The following COG5 variants were observed in gnomAD, a reference collection of about 807,000 sequenced individuals.
COG5 encodes the protein conserved oligomeric Golgi complex subunit 5.
A neutral mutation model predicts 110.4 loss-of-function variants in COG5; 86 were observed. The ratio of observed to expected loss-of-function variants is 0.78; its 90% confidence interval spans 0.65 to 0.93. The LOEUF (loss-of-function observed/expected upper bound fraction) is 0.93, where lower values mean the gene tolerates loss of function less well. COG5 is among the 40% of genes least tolerant of loss of function. The pLI, the probability that COG5 is intolerant of heterozygous loss-of-function variation, is 0.00. For synonymous variants in COG5, 360 were observed against 334.6 expected (o/e 1.08, Z -0.83); for missense variants, 1,077 against 987.0 (o/e 1.09, Z -1.22).
intron 6 of COG5, among the ~76,000 whole-genome samples, chr7:107,520,634 G>A (rs555266780): frequency 6.6e-6 from 1 of 152,222 alleles, no homozygotes; most frequent in South Asian, 2.1e-4. Flanking sequence ...ACAGCTCAAG[G>A]CAATAAGAGA....
chr7:107,521,696 T>C (rs559058368), intron 6 of COG5, among the ~76,000 whole-genome samples: 2 of 152,198 alleles, frequency 1.3e-5, no homozygotes, highest in East Asian at 1.9e-4. Context: ...GAATGTAAAT[T>C]AGTTCAACAG....
chr7:107,211,764 A>G (rs955949399), intron 19 of COG5, among the ~76,000 whole-genome samples: 3 of 152,240 alleles, frequency 2.0e-5, no homozygotes, highest in African/African-American at 4.8e-5. Context: ...CCCTTATACT[A>G]TATTACATGT....
At chr7:107,421,581 A>T (rs1040459516) in intron 6 of COG5, among the ~76,000 whole-genome samples, 3 of 152,156 alleles carry the variant, frequency 2.0e-5, no homozygotes, top group African/African-American at 7.2e-5. Flanking sequence ...ACTTGAGGTC[A>T]GGAGTTCAAG....
chr7:107,476,905 T>C (rs765432587), intron 6 of COG5, among the ~76,000 whole-genome samples: 1 of 151,720 alleles, frequency 6.6e-6, no homozygotes, highest in Non-Finnish European at 1.5e-5. Context: ...ATGAATACCA[T>C]GCAGTAGCTT....
intron 6 of COG5, among the ~76,000 whole-genome samples, chr7:107,459,948 A>C (rs1795887581): frequency 6.6e-6 from 1 of 152,238 alleles, no homozygotes; most frequent in African/African-American, 2.4e-5. Flanking sequence ...AAGAGTACAC[A>C]GCACAATCAC....
At chr7:107,366,532 C>T (rs977046983) in intron 8 of COG5, among the ~76,000 whole-genome samples, 5 of 152,090 alleles carry the variant, frequency 3.3e-5, no homozygotes, top group Non-Finnish European at 7.4e-5. Context: ...AACTGACACA[C>T]AGCGTTCAAC....
At chr7:107,294,970 T>TATATATACAC (rs1806533262) in intron 12 of COG5, among the ~76,000 whole-genome samples, 2 of 135,068 alleles carry the variant, frequency 1.5e-5, no homozygotes, top group Non-Finnish European at 3.2e-5. Context: ...TACACACATA[T>TATATATACAC]ATATATACAC....
rs115201914 is a variant in COG5, at chr7:107,494,564, T to C, written c.538+32673A>G. 5.1e-3 allele frequency among the ~76,000 whole-genome samples: 784 copies of C among 152,246 alleles called. 8 individuals carry two copies. Among genetic ancestry groups the C allele is most frequent in the African/African-American group, 0.016 (678 of 41,552 alleles). ...ACAATATTCAATACAGCAACATCAA[T>C]AGGATATACCATATAGCCTAGGTGT... On this transcript the variant is annotated intron_variant, in intron 6 of 21. Coordinates refer to ENST00000297135, the MANE Select transcript of COG5 (RefSeq NM_006348.5).
intron 6 of COG5, among the ~76,000 whole-genome samples, chr7:107,506,773 C>G (rs1459706253): frequency 6.6e-6 from 1 of 152,202 alleles, no homozygotes; most frequent in African/African-American, 2.4e-5. Context: ...GCTCACACAG[C>G]TGGGGCACCC....
At chr7:107,369,300 G>T (rs181786341) in intron 8 of COG5, among the ~76,000 whole-genome samples, 16 of 151,650 alleles carry the variant, frequency 1.1e-4, no homozygotes, top group African/African-American at 3.9e-4. Flanking sequence ...TAATTTAAAT[G>T]CTGTGTATTA....
intron 7 of COG5, among the ~76,000 whole-genome samples, chr7:107,403,179 T>C (rs1418213764): frequency 6.6e-5 from 10 of 152,204 alleles, no homozygotes; most frequent in Non-Finnish European, 1.3e-4. Context: ...ACACTAACTT[T>C]CTTCTAATAA....
At chr7:107,454,118 C>G (rs1354272870) in intron 6 of COG5, among the ~76,000 whole-genome samples, 1 of 151,864 alleles carries the variant, frequency 6.6e-6, no homozygotes. Context: ...AAGCAGTTGC[C>G]TAGTGTATAT....
chr7:107,312,286 CA>C lies in COG5; in HGVS notation c.1108+12153del, dbSNP rs554054149. 1.2e-3 allele frequency among the ~76,000 whole-genome samples: 181 copies of C among 152,286 alleles called. 1 individual carries two copies. Among genetic ancestry groups the C allele is most frequent in the African/African-American group, 3.7e-3 (155 of 41,558 alleles). On this transcript the variant is annotated intron_variant, in intron 11 of 21. Coordinates refer to ENST00000297135, the MANE Select transcript of COG5 (RefSeq NM_006348.5). The stretch of plus-strand genomic sequence containing the variant: ...TATTTAACACTTTAGGGATCCATCT[CA>C]ACAGAACGTTATTTACTGAGCATTG...
Position 107,201,582 on chromosome 7 carries a change from G to C in COG5, c.*1934C>G, listed in dbSNP as rs1271746494. ...GAGTCTTGAAATGATTTAATAATAT[G>C]AGTGAGGATTTGCTTTCTCCATTAG... On this transcript the variant is annotated 3_prime_UTR_variant, in exon 22 of 22. Transcript: ENST00000297135. The C allele has an allele frequency of 1.9e-5, 9 of 464,162 alleles. No homozygotes were observed. The highest frequency in any genetic ancestry group is 2.4e-5 in the Non-Finnish European group (6 of 252,576). 28.8% of individuals were successfully genotyped at this position (464,162 alleles called of 1,614,324 possible).
intron 5 of COG5, among the ~76,000 whole-genome samples, chr7:107,532,641 T>C (rs1314447559): frequency 6.6e-6 from 1 of 152,164 alleles, no homozygotes; most frequent in African/African-American, 2.4e-5. Context: ...GGATTTAGCC[T>C]TCTTACATCT....
intron 11 of COG5, among the ~76,000 whole-genome samples, chr7:107,307,323 A>G (rs987203674): frequency 1.4e-4 from 21 of 152,072 alleles, no homozygotes; most frequent in African/African-American, 4.8e-4. Context: ...TGTATTTTCT[A>G]CTTCTCTAAA....
chr7:107,550,824 G>C (rs1406315230), intron 3 of COG5, among the ~76,000 whole-genome samples: 1 of 151,082 alleles, frequency 6.6e-6, no homozygotes, highest in Non-Finnish European at 1.5e-5. Flanking sequence ...TCATGCCTCA[G>C]CATTCCAAGT....
chr7:107,437,236 G>T (rs1429621726), intron 6 of COG5, among the ~76,000 whole-genome samples: 1 of 152,104 alleles, frequency 6.6e-6, no homozygotes, highest in Non-Finnish European at 1.5e-5. Flanking sequence ...ATTTCTTTCT[G>T]ACTACGTCAC....
chr7:107,308,044 G>A (rs1807886005), intron 11 of COG5, among the ~76,000 whole-genome samples: 1 of 152,126 alleles, frequency 6.6e-6, no homozygotes, highest in Non-Finnish European at 1.5e-5. Context: ...TCCATAAATA[G>A]TTCACCTATT....
Sources: gnomAD v4.1 joint callset for allele counts (sites outside exome capture counted in the v4.1 genomes callset) on GRCh38, gnomAD v4.1.1 for gene constraint, MANE v1.5 for transcripts, NCBI Gene and HGNC (gene_info 2026-07-23, HGNC 2026-07-21) for gene names.